GTF2I: variants seen among roughly 807,000 people sequenced by gnomAD.
GTF2I encodes general transcription factor II-I.
A neutral mutation model predicts 67.6 loss-of-function variants in GTF2I; 12 were observed. The observed-to-expected ratio is 0.18, with a 90% CI of 0.11 to 0.29. The LOEUF (loss-of-function observed/expected upper bound fraction) is 0.29, where lower values mean the gene tolerates loss of function less well. Among genes scored for constraint, GTF2I ranks in the 10% least tolerant of loss-of-function variants. GTF2I has a pLI of 1.00. For missense variants in GTF2I, 271 were observed against 580.1 expected (o/e 0.47, Z 5.47); for synonymous variants, 149 against 197.0 (o/e 0.76, Z 2.04).
intron 8 of GTF2I, among the ~76,000 whole-genome samples, chr7:74,709,150 A>G (rs1332956790): frequency 2.0e-5 from 3 of 152,202 alleles, no homozygotes; most frequent in Non-Finnish European, 2.9e-5. Context: ...TCTTCACACA[A>G]ACACATTTGT....
chr7:74,662,630 C>T (rs1435467439), intron 1 of GTF2I, among the ~76,000 whole-genome samples: 3 of 139,050 alleles, frequency 2.2e-5, no homozygotes, highest in Non-Finnish European at 4.5e-5. Flanking sequence ...TGAAGTGATT[C>T]TCCTGACTGA....
In GTF2I at chr7:74,711,150, C is replaced by A. The variant is rs185170277; in HGVS notation, c.763+41C>A. 6 of 875,558 alleles carry A rather than the reference C, an allele frequency of 6.9e-6. No homozygotes were observed. In the East Asian group the frequency reaches 1.7e-4, roughly 25 times the overall value. 54.2% of individuals were successfully genotyped at this position (875,558 alleles called of 1,614,324 possible). Reference sequence around the variant, plus strand: ...GCAATTTTTCTTTCTAAAAATTATTCGTGGTTAAAATTAAAATTTGCTCAT... The same window carrying A: ...GCAATTTTTCTTTCTAAAAATTATTAGTGGTTAAAATTAAAATTTGCTCAT... On this transcript the variant is annotated intron_variant, in intron 9 of 34. Transcript: ENST00000573035.
chr7:74,726,673 G>C lies in GTF2I; in HGVS notation c.944-2113G>C, dbSNP rs374199159. On this transcript the variant is annotated intron_variant, in intron 12 of 34. Coordinates refer to ENST00000573035, the MANE Select transcript of GTF2I (RefSeq NM_032999.4). ...AGCCTGGGCAACATAATGAGACCCT[G>C]TCCCTACAAAAAATTAAAAGAAAAA... 2.0e-5 allele frequency: 3 copies of C among 152,196 alleles called. No homozygotes were observed. The East Asian group carries it at 5.8e-4, about 29-fold the overall frequency. The allele number at this position is 152,196 out of a possible 1,614,324, so 9.4% of individuals were successfully genotyped here.
chr7:74,737,550 A>G (rs1794906014), intron 18 of GTF2I, among the ~76,000 whole-genome samples: 1 of 134,752 alleles, frequency 7.4e-6, no homozygotes, highest in Admixed American at 7.5e-5. Flanking sequence ...CCCTTTAGAA[A>G]GGTAATTCTG....
At chr7:74,703,467 C>A (rs1790115446) in intron 6 of GTF2I, among the ~76,000 whole-genome samples, 2 of 151,904 alleles carry the variant, frequency 1.3e-5, no homozygotes, top group African/African-American at 4.8e-5. Context: ...GCAACCTCTG[C>A]CTCCCGGGTT....
At chr7:74,725,530 T>TC (rs1227369380) in intron 12 of GTF2I, among the ~76,000 whole-genome samples, 1 of 49,758 alleles carries the variant, frequency 2.0e-5, no homozygotes, top group African/African-American at 9.7e-5. Flanking sequence ...TCTACAAAAG[T>TC]TAAAAAAAAA....
chr7:74,681,440 T>TA (rs1190807278), intron 1 of GTF2I, among the ~76,000 whole-genome samples: 12 of 140,578 alleles, frequency 8.5e-5, no homozygotes, highest in African/African-American at 2.6e-4. Flanking sequence ...GTCTCAAAAA[T>TA]AAAAAAAAAG....
intron 1 of GTF2I, among the ~76,000 whole-genome samples, chr7:74,684,233 T>C (rs1413132130): frequency 6.6e-6 from 1 of 152,224 alleles, no homozygotes; most frequent in Non-Finnish European, 1.5e-5. Flanking sequence ...ATATATTCAA[T>C]AAATGTTCAT....
intron 1 of GTF2I, among the ~76,000 whole-genome samples, chr7:74,662,152 G>T (rs1398950342): frequency 6.6e-6 from 1 of 151,260 alleles, no homozygotes. Context: ...TCTTTTTGCG[G>T]GACGGGGTTG....
At chr7:74,733,888 C>T (rs782616459) in intron 15 of GTF2I, 35 bp from the exon 16 acceptor site, 1 of 1,589,712 alleles carries the variant, frequency 6.3e-7, no homozygotes, top group East Asian at 2.2e-5. Context: ...TGAATATTAC[C>T]TAGTGATTAT....
chr7:74,694,451 G>A (rs1788684195), intron 3 of GTF2I, among the ~76,000 whole-genome samples: 1 of 152,210 alleles, frequency 6.6e-6, no homozygotes, highest in African/African-American at 2.4e-5. Context: ...GCCAGGCCTG[G>A]TGGCGTGCAC....
At chr7:74,696,392 T>C (rs1031464772) in intron 3 of GTF2I, among the ~76,000 whole-genome samples, 1 of 152,026 alleles carries the variant, frequency 6.6e-6, no homozygotes, top group African/African-American at 2.4e-5. Flanking sequence ...AGTGGTGCGA[T>C]CTTGGCTCAC....
At chr7:74,715,004 G>T in intron 10 of GTF2I, 88 bp downstream of exon 10, 3 of 724,052 alleles carry the variant, frequency 4.1e-6, no homozygotes, top group Non-Finnish European at 6.5e-6. Flanking sequence ...ATATTTATAA[G>T]TACAGTATTA....
At chr7:74,711,618 G>A (rs1471843755) in intron 9 of GTF2I, among the ~76,000 whole-genome samples, 2 of 151,950 alleles carry the variant, frequency 1.3e-5, no homozygotes, top group Non-Finnish European at 2.9e-5. Context: ...CAGGCAACAC[G>A]GATCTGTTTT....
intron 1 of GTF2I, among the ~76,000 whole-genome samples, chr7:74,669,981 T>C (rs1554390041): frequency 6.6e-6 from 1 of 152,194 alleles, no homozygotes; most frequent in African/African-American, 2.4e-5. Context: ...ATTTTCCTGC[T>C]CTCTCAGAAA....
chr7:74,697,872 A>G (rs1213313452), intron 3 of GTF2I, among the ~76,000 whole-genome samples: 5 of 149,472 alleles, frequency 3.3e-5, no homozygotes, highest in African/African-American at 9.9e-5. Context: ...GGGTTCAAGC[A>G]ATTCTCCTGC....
chr7:74,704,430 A>G (rs1373239170), intron 6 of GTF2I, among the ~76,000 whole-genome samples: 5 of 151,604 alleles, frequency 3.3e-5, no homozygotes, highest in African/African-American at 1.2e-4. Context: ...AACTGGGATT[A>G]CAGGCGCCCG....
intron 3 of GTF2I, among the ~76,000 whole-genome samples, chr7:74,693,938 A>T (rs1024215352): frequency 2.0e-5 from 3 of 152,214 alleles, no homozygotes; most frequent in African/African-American, 7.2e-5. Flanking sequence ...CTCACTTTAC[A>T]TCAAAAGCAG....
chr7:74,683,005 A>T (rs1280892707), intron 1 of GTF2I, among the ~76,000 whole-genome samples: 1 of 111,014 alleles, frequency 9.0e-6, no homozygotes, highest in Non-Finnish European at 1.8e-5. Flanking sequence ...GAAAACGTAA[A>T]AAAAGGTAAG....
Sources: allele counts gnomAD v4.1 joint callset (sites outside exome capture counted in the v4.1 genomes callset), GRCh38; gene constraint gnomAD v4.1.1; transcripts MANE v1.5; gene names NCBI Gene and HGNC (gene_info 2026-07-23, HGNC 2026-07-21).